Variants in SMAD9 observed in about 807,000 individuals in gnomAD.
SMAD9 encodes the protein MAD homolog 9.
Under a neutral mutation model 46.1 loss-of-function variants are expected in SMAD9, and 36 were observed. The ratio of observed to expected loss-of-function variants is 0.78; its 90% CI spans 0.60 to 1.03. SMAD9 has a LOEUF of 1.03. Ranked by LOEUF, SMAD9 falls within the 50% of genes least tolerant of loss-of-function variation. The pLI, the probability that SMAD9 is intolerant of heterozygous loss-of-function variation, is 0.00. For synonymous variants in SMAD9, 245 were observed against 237.1 expected, an observed-to-expected ratio of 1.03 and a Z score of -0.31; for missense variants, 572 against 599.8, an observed-to-expected ratio of 0.95 and a Z score of 0.48.
At chr13:36,870,896 T>C (rs1460383221) in intron 3 of SMAD9, among the ~76,000 whole-genome samples, 2 of 152,206 alleles carry the variant, frequency 1.3e-5, no homozygotes, top group African/African-American at 2.4e-5. Flanking sequence ...CAGCTACTAA[T>C]TGACTCACAG....
chr13:36,892,583 C>T lies in SMAD9; in HGVS notation c.-186-12708G>A, dbSNP rs534200135. Reference sequence around the variant, plus strand: ...CATTTGTCCTTTAAAGTTGACATCACCAACTGTCCATAAACATTCCAGTCT... The same window carrying T: ...CATTTGTCCTTTAAAGTTGACATCATCAACTGTCCATAAACATTCCAGTCT... On this transcript the variant is annotated intron_variant, in intron 1 of 6. Coordinates refer to ENST00000379826, the MANE Select transcript of SMAD9 (RefSeq NM_001127217.3). Among the ~76,000 whole-genome samples, 59 of 152,294 alleles carry T rather than the reference C, an allele frequency of 3.9e-4. 1 individual carries two copies. In the South Asian group the frequency reaches 8.5e-3, roughly 22 times the overall value.
At chr13:36,915,377 C>T (rs2058690827) in intron 1 of SMAD9, among the ~76,000 whole-genome samples, 1 of 152,170 alleles carries the variant, frequency 6.6e-6, no homozygotes, top group African/African-American at 2.4e-5. Flanking sequence ...ACCAAACTCT[C>T]CTCGGGACTG....
At chr13:36,850,443 G>A (rs529201816) in intron 6 of SMAD9, among the ~76,000 whole-genome samples, 1 of 152,098 alleles carries the variant, frequency 6.6e-6, no homozygotes, top group East Asian at 1.9e-4. Context: ...GCAATGGTGC[G>A]ATCTCAGCTC....
intron 2 of SMAD9, among the ~76,000 whole-genome samples, chr13:36,878,734 T>A (rs541661380): frequency 4.6e-5 from 7 of 152,098 alleles, no homozygotes; most frequent in African/African-American, 1.7e-4. Flanking sequence ...TTCAGTTGTT[T>A]GGGGCGGGGG....
chr13:36,879,283 G>A lies in SMAD9; in HGVS notation c.407C>T (p.Thr136Ile), dbSNP rs2138492547. ...ACGTCGTAAAGACGACCCACCTGGA[G>A]TCTCCACCCGGCGGTAGTGGTAAGG... ...INPYHYRRVE[T>I]PVLPPVLVPR... The change falls in exon 2 of 7, where the codon ACT becomes ATT. Residue 136 changes from threonine (T) to isoleucine (I), a missense_variant. Physicochemically the swap from Thr to Ile is moderately conservative, Grantham distance 89. Transcript: ENST00000379826. The A allele has an allele frequency of 6.2e-7, 1 of 1,613,780 alleles. No individual in the cohort carries two copies. The highest frequency in any genetic ancestry group is 8.5e-7 in the Non-Finnish European group (1 of 1,179,792).
intron 6 of SMAD9, 44 bp from the exon 7 acceptor site, chr13:36,848,863 C>T: frequency 1.2e-6 from 2 of 1,606,448 alleles, no homozygotes; most frequent in East Asian, 2.2e-5. Context: ...CACACTTACA[C>T]TCAGCCTCCA....
In SMAD9 at chr13:36,898,165, C is replaced by T. The variant is rs2058544971; in HGVS notation, c.-186-18290G>A. Among the ~76,000 whole-genome samples, 3 of 151,956 alleles carry T rather than the reference C, an allele frequency of 2.0e-5. No individual in the cohort carries two copies. The South Asian group carries it at 6.2e-4, about 32-fold the overall frequency. Reference sequence around the variant, plus strand: ...GAGCCACTGCACCCGGCCGAAATGTCCTATGTCTTAATAAGGGTGTGGGTT... The same window carrying T: ...GAGCCACTGCACCCGGCCGAAATGTTCTATGTCTTAATAAGGGTGTGGGTT... On this transcript the variant is annotated intron_variant, in intron 1 of 6. Coordinates refer to ENST00000379826, the MANE Select transcript of SMAD9 (RefSeq NM_001127217.3).
intron 2 of SMAD9, among the ~76,000 whole-genome samples, chr13:36,873,331 T>C (rs558888956): frequency 4.3e-4 from 66 of 152,328 alleles, no homozygotes; most frequent in Non-Finnish European, 8.7e-4. Context: ...AAGTCTTTTT[T>C]TCCCCCAAGG....
intron 1 of SMAD9, among the ~76,000 whole-genome samples, chr13:36,901,539 T>C (rs2058576248): frequency 6.6e-6 from 1 of 151,916 alleles, no homozygotes; most frequent in African/African-American, 2.4e-5. Flanking sequence ...GTGATTCTCC[T>C]GCCTCAGCCT....
rs771863079 is a variant in SMAD9, at chr13:36,879,648, G to A, written c.42C>T (p.Thr14=). The A allele has an allele frequency of 1.2e-5, 19 of 1,614,226 alleles. No individual in the cohort carries two copies. Among genetic ancestry groups the A allele is most frequent in the Admixed American group, 6.7e-5 (4 of 60,032 alleles). Residue 14 remains threonine (T), a synonymous_variant, in exon 2 of 7, where the codon ACC becomes ACT. Transcript: ENST00000379826. The part of the protein sequence containing the change: ...TTPISSLFSF[T]SPAVKRLLGW... The stretch of plus-strand genomic sequence containing the variant: ...CTAGCAGTCTCTTCACTGCGGGGCT[G>A]GTGAAGGAGAAGAGGGAGCTGATGG...
At chr13:36,869,759 G>A (rs1297117895) in intron 3 of SMAD9, among the ~76,000 whole-genome samples, 1 of 151,990 alleles carries the variant, frequency 6.6e-6, no homozygotes, top group Non-Finnish European at 1.5e-5. Context: ...TACCTGGGAG[G>A]TGGAGGTTGC....
At chr13:36,877,957 C>G (rs2058361698) in intron 2 of SMAD9, among the ~76,000 whole-genome samples, 1 of 152,116 alleles carries the variant, frequency 6.6e-6, no homozygotes, top group Non-Finnish European at 1.5e-5. Context: ...AGCTAATGTG[C>G]CAGCGCTTTG....
intron 1 of SMAD9, among the ~76,000 whole-genome samples, chr13:36,914,500 CAGAG>C (rs1209290264): frequency 6.6e-6 from 1 of 152,102 alleles, no homozygotes; most frequent in Non-Finnish European, 1.5e-5. Flanking sequence ...GCCTGGGCGA[CAGAG>C]AGAGACTCCA....
rs2058382572 is a variant in SMAD9 at position 36,879,535 on chromosome 13, A to T, written c.155T>A (p.Met52Lys). 6.8e-6 allele frequency: 11 copies of T among 1,614,082 alleles called. No homozygotes were observed. The highest frequency in any genetic ancestry group is 2.7e-5 in the African/African-American group (2 of 74,952). Reference sequence around the variant, plus strand: ...GCTGAGAGCCCTCTCCAGCTCGTCCATGGCTCCCTTCTTCTTCTTTAACTT... The same window carrying T: ...GCTGAGAGCCCTCTCCAGCTCGTCCTTGGCTCCCTTCTTCTTCTTTAACTT... The part of the protein sequence containing the change: ...VKKLKKKKGA[M>K]DELERALSCP... Residue 52 changes from methionine to lysine, a missense_variant, in exon 2 of 7, where the codon ATG becomes AAG. Met to Lys is a moderately conservative substitution (Grantham distance 95). Coordinates refer to ENST00000379826, the MANE Select transcript of SMAD9 (RefSeq NM_001127217.3).
chr13:36,854,841 T>C (rs936296773), intron 5 of SMAD9, among the ~76,000 whole-genome samples: 2 of 151,930 alleles, frequency 1.3e-5, no homozygotes, highest in Non-Finnish European at 2.9e-5. Context: ...TTCAATTAAA[T>C]TTGTCATCCA....
At position 36,894,706 on chromosome 13, in the gene SMAD9, G is replaced by A. The variant is rs138873906; in HGVS notation, c.-186-14831C>T. ...ATGGAGTCCTCCTGATCCCCTGCCC[G>A]ATGCTTTGTACTTATCATATGTCAC... On this transcript the variant is annotated intron_variant, in intron 1 of 6. Coordinates refer to ENST00000379826, the MANE Select transcript of SMAD9 (RefSeq NM_001127217.3). 4.8e-3 allele frequency among the ~76,000 whole-genome samples: 736 copies of A among 152,072 alleles called. 21 individuals carry two copies. Among genetic ancestry groups the A allele is most frequent in the Admixed American group, 0.043 (652 of 15,272 alleles).
At chr13:36,865,915 T>C (rs761582055) in intron 4 of SMAD9, among the ~76,000 whole-genome samples, 157 bp from the exon 5 acceptor site, 23 of 152,182 alleles carry the variant, frequency 1.5e-4, no homozygotes, top group Non-Finnish European at 2.6e-4. Flanking sequence ...GTAGCTCTCA[T>C]GGGAGCTGTT....
chr13:36,910,278 T>C (rs2058651216), intron 1 of SMAD9, among the ~76,000 whole-genome samples: 1 of 151,900 alleles, frequency 6.6e-6, no homozygotes. Flanking sequence ...ATACACTATG[T>C]TCAAATGTAG....
intron 1 of SMAD9, among the ~76,000 whole-genome samples, chr13:36,897,398 A>C (rs1317288378): frequency 2.0e-5 from 3 of 152,212 alleles, no homozygotes; most frequent in Non-Finnish European, 4.4e-5. Flanking sequence ...TTCTGTTACC[A>C]GGACATAAAT....
Sources: gnomAD v4.1 joint callset for allele counts (sites outside exome capture counted in the v4.1 genomes callset) on GRCh38, gnomAD v4.1.1 for gene constraint, MANE v1.5 for transcripts, NCBI Gene and HGNC (gene_info 2026-07-23, HGNC 2026-07-21) for gene names.